RELN: variants seen among roughly 807,000 people sequenced by gnomAD.
RELN encodes reelin.
RELN carries 108 observed loss-of-function variants against 427.6 expected under a neutral mutation model. That is an observed-to-expected ratio of 0.25 (90% confidence interval 0.22 to 0.30). The LOEUF is 0.30. RELN is among the 10% of genes least tolerant of loss of function. The probability of loss-of-function intolerance (pLI) is 1.00; values close to 1 mark genes in which losing one functional copy is unlikely to be tolerated. For missense variants in RELN, 3,715 were observed against 4,302.8 expected, an observed-to-expected ratio of 0.86 and a Z score of 3.82; for synonymous variants, 1,524 against 1,513.4, an observed-to-expected ratio of 1.01 and a Z score of -0.16.
At chr7:103,864,271 A>G (rs908308216) in intron 2 of RELN, among the ~76,000 whole-genome samples, 2 of 152,182 alleles carry the variant, frequency 1.3e-5, no homozygotes, top group African/African-American at 2.4e-5. Context: ...GAAAAAGTTA[A>G]TAACTGTTTT....
intron 6 of RELN, among the ~76,000 whole-genome samples, chr7:103,746,968 T>G (rs1461365301): frequency 6.6e-6 from 1 of 152,186 alleles, no homozygotes; most frequent in African/African-American, 2.4e-5. Context: ...TGCACACGTA[T>G]GTTTATAGCA....
In RELN at chr7:103,749,441, A is replaced by G. The variant is rs2116064367; in HGVS notation, c.641T>C (p.Leu214Ser). The change falls in exon 6 of 65, where the codon TTA (leucine) becomes TCA (serine). Residue 214 changes from leucine to serine, a missense_variant. Physicochemically the swap from Leu to Ser is moderately radical, Grantham distance 145. Around this residue, in one of 4 missense-constraint regions of RELN, gnomAD observed 2,208 missense variants for 2,361.7 expected, o/e 0.93. Transcript: ENST00000428762. ...TGTAACTTACCATATATTTGGATTT[A>G]ATTGCAGTTGGTGGTAGGAGTCAAA... Reference protein sequence around the residue: ...DDFDSYHQLQLNPNIWVECNN... With the variant: ...DDFDSYHQLQSNPNIWVECNN... The G allele has an allele frequency of 6.2e-7, 1 of 1,612,462 alleles. No homozygotes were observed. The highest frequency in any genetic ancestry group is 8.5e-7 in the Non-Finnish European group (1 of 1,178,528).
intron 1 of RELN, among the ~76,000 whole-genome samples, chr7:103,976,349 T>C (rs920746293): frequency 6.6e-6 from 1 of 152,054 alleles, no homozygotes; most frequent in African/African-American, 2.4e-5. Flanking sequence ...GTCTTGGCTT[T>C]TAGCAGAGCA....
chr7:103,747,380 T>A (rs565393024), intron 6 of RELN, among the ~76,000 whole-genome samples: 5 of 152,110 alleles, frequency 3.3e-5, no homozygotes, highest in African/African-American at 1.2e-4. Flanking sequence ...AACCTGCACG[T>A]TGTGCACATG....
At chr7:103,647,331 T>A (rs1299311768) in intron 16 of RELN, among the ~76,000 whole-genome samples, 1 of 151,980 alleles carries the variant, frequency 6.6e-6, no homozygotes, top group East Asian at 1.9e-4. Context: ...TCTCAAAGAC[T>A]CCTAGATTTG....
At position 103,635,516 on chromosome 7, in the gene RELN, C is replaced by T; in HGVS notation, c.2374G>A (p.Gly792Ser). ...GAATAATGCAACAAAACTCCTTCAC[C>T]AGGCTGATCAGGGGCTCTGCACGTG... ...LSTCRAPDQP[G>S]EGVLLHYSYD... is the part of the protein sequence containing the mutation. Residue 792 changes from glycine to serine, a missense_variant, in exon 19 of 65, where the codon GGT (glycine) becomes AGT (serine). By Grantham distance (56) the Gly-to-Ser change is moderately conservative. This residue lies in a region of RELN where 2,208 missense variants were observed against 2,361.7 expected (regional missense o/e 0.93). Transcript: ENST00000428762. 1 of 1,613,938 alleles carries T rather than the reference C, an allele frequency of 6.2e-7. No individual in the cohort carries two copies. The highest frequency in any genetic ancestry group is 1.1e-5 in the South Asian group (1 of 91,070).
chr7:103,552,652 A>T (rs1157698436), intron 40 of RELN, among the ~76,000 whole-genome samples: 1 of 151,682 alleles, frequency 6.6e-6, no homozygotes, highest in Non-Finnish European at 1.5e-5. Flanking sequence ...ACAGGTGCGC[A>T]CCACCATGCC....
Position 103,936,619 on chromosome 7 carries a change from G to A in RELN, c.227-19434C>T, listed in dbSNP as rs376184683. On this transcript the variant is annotated intron_variant, in intron 1 of 64. Coordinates refer to ENST00000428762, the MANE Select transcript of RELN (RefSeq NM_005045.4). Reference sequence around the variant, plus strand: ...TTCAGCCTCATCTTGAACAATAAATGCCCTCATTGTTCTATCCACACTTAA... The same window carrying A: ...TTCAGCCTCATCTTGAACAATAAATACCCTCATTGTTCTATCCACACTTAA... 2.6e-5 allele frequency among the ~76,000 whole-genome samples: 4 copies of A among 151,680 alleles called. No homozygotes were observed. The East Asian group carries it at 5.8e-4, about 22-fold the overall frequency.
chr7:103,723,817 T>C (rs927570570), intron 7 of RELN, among the ~76,000 whole-genome samples: 1 of 151,982 alleles, frequency 6.6e-6, no homozygotes, highest in Non-Finnish European at 1.5e-5. Flanking sequence ...TCAATAAAAC[T>C]GTTACCAAAA....
intron 10 of RELN, among the ~76,000 whole-genome samples, chr7:103,695,821 G>A (rs1020307803): frequency 5.9e-5 from 9 of 152,028 alleles, no homozygotes; most frequent in Admixed American, 5.2e-4. Context: ...CTATTCTGAC[G>A]AATGTTTTTT....
intron 16 of RELN, among the ~76,000 whole-genome samples, chr7:103,642,215 C>T (rs1832707881): frequency 6.6e-6 from 1 of 152,090 alleles, no homozygotes; most frequent in Admixed American, 6.6e-5. Context: ...AATTTCTTTA[C>T]ACACTAGCAG....
intron 3 of RELN, among the ~76,000 whole-genome samples, chr7:103,784,815 T>C (rs1450401955): frequency 1.3e-5 from 2 of 152,146 alleles, no homozygotes; most frequent in African/African-American, 2.4e-5. Context: ...ATGTGTACCC[T>C]AGGCACAGGG....
intron 3 of RELN, among the ~76,000 whole-genome samples, chr7:103,820,303 C>T (rs1192242393): frequency 6.6e-6 from 1 of 152,016 alleles, no homozygotes; most frequent in Non-Finnish European, 1.5e-5. Flanking sequence ...TTGATGTTTT[C>T]ACCTAATATG....
rs988113737 is a variant in RELN at position 103,569,907 on chromosome 7, G to A, written c.4588+2277C>T. 3.3e-5 allele frequency among the ~76,000 whole-genome samples: 5 copies of A among 152,140 alleles called. No homozygotes were observed. The highest frequency in any genetic ancestry group is 1.3e-4 in the Admixed American group (2 of 15,278). On this transcript the variant is annotated intron_variant, in intron 31 of 64. Transcript: ENST00000428762. The surrounding 1 kb of genome is among the most constrained non-coding windows in gnomAD (Gnocchi z 4.0). Reference sequence around the variant, plus strand: ...CTTTTTAAACAGCAGCTCCATCTGCGTTATGCCCAGTCTTACTGAAAATAG... The same window carrying A: ...CTTTTTAAACAGCAGCTCCATCTGCATTATGCCCAGTCTTACTGAAAATAG...
At chr7:103,771,651 C>T (rs1193673255) in intron 4 of RELN, among the ~76,000 whole-genome samples, 4 of 152,270 alleles carry the variant, frequency 2.6e-5, no homozygotes, top group East Asian at 3.9e-4. Context: ...GCATCAATGT[C>T]CACCCAGTCA....
intron 64 of RELN, among the ~76,000 whole-genome samples, chr7:103,474,666 T>A (rs1294708074): frequency 1.3e-5 from 2 of 152,142 alleles, no homozygotes; most frequent in African/African-American, 2.4e-5. Context: ...AGAAAAATTA[T>A]CCTGTTGCTC....
chr7:103,874,779 T>G (rs1333118396), intron 2 of RELN, among the ~76,000 whole-genome samples: 2 of 150,688 alleles, frequency 1.3e-5, no homozygotes, highest in Non-Finnish European at 3.0e-5. Context: ...ATGGCCATAC[T>G]GCCCAAGGTC....
Position 103,565,501 on chromosome 7 carries a change from A to T in RELN, c.4987T>A (p.Phe1663Ile). Reference sequence around the variant, plus strand: ...CCCATGCTCATTTCAAACTGCAAAAAGGTAGATGCTGACACATGAAAATCC... The same window carrying T: ...CCCATGCTCATTTCAAACTGCAAAATGGTAGATGCTGACACATGAAAATCC... Reference protein sequence around the residue: ...TWDFHVSASTFLQFEMSMGCS... With the variant: ...TWDFHVSASTILQFEMSMGCS... The change falls in exon 34 of 65, where the codon TTT becomes ATT. Residue 1663 changes from phenylalanine to isoleucine, a missense_variant. Around this residue, in one of 4 missense-constraint regions of RELN, gnomAD observed 2,208 missense variants for 2,361.7 expected, o/e 0.93. Transcript: ENST00000428762. The T allele has an allele frequency of 6.2e-7, 1 of 1,613,898 alleles. No homozygotes were observed. Among genetic ancestry groups the T allele is most frequent in the Non-Finnish European group, 8.5e-7 (1 of 1,179,924 alleles).
At chr7:103,536,309 CCT>C (rs1491333279) in intron 45 of RELN, among the ~76,000 whole-genome samples, 3 of 152,186 alleles carry the variant, frequency 2.0e-5, no homozygotes, top group Middle Eastern at 3.4e-3. Flanking sequence ...ACCCATACCC[CCT>C]GTCTTTTATT....
Sources: allele counts gnomAD v4.1 joint callset (sites outside exome capture counted in the v4.1 genomes callset), GRCh38; gene constraint gnomAD v4.1.1; regional missense constraint gnomAD v4.1.1; non-coding constraint Gnocchi (gnomAD v3.1); transcripts MANE v1.5; gene names NCBI Gene and HGNC (gene_info 2026-07-23, HGNC 2026-07-21).